Variants in MCTP2 observed in about 807,000 individuals in gnomAD.
MCTP2 encodes multiple C2 and transmembrane domain-containing protein 2.
MCTP2 carries 132 observed loss-of-function variants against 111.6 expected under a neutral mutation model. The observed-to-expected ratio is 1.18, with a 90% CI of 1.03 to 1.37. The LOEUF (loss-of-function observed/expected upper bound fraction) is 1.37. Among genes scored for constraint, MCTP2 ranks in the 40% most tolerant of loss-of-function variants. MCTP2 has a pLI of 0.00. For synonymous variants in MCTP2, 395 were observed against 387.7 expected, an observed-to-expected ratio of 1.02 and a Z score of -0.22; for missense variants, 1,183 against 1,067.9, an observed-to-expected ratio of 1.11 and a Z score of -1.50.
intron 1 of MCTP2, among the ~76,000 whole-genome samples, chr15:94,249,493 T>TC (rs1284874908): frequency 6.6e-6 from 1 of 151,954 alleles, no homozygotes; most frequent in African/African-American, 2.4e-5. Flanking sequence ...AGAATCTTTT[T>TC]TTTTTTTTTT....
At chr15:94,261,979 CAATT>C (rs1252188372) in intron 1 of MCTP2, among the ~76,000 whole-genome samples, 20 of 152,090 alleles carry the variant, frequency 1.3e-4, no homozygotes, top group Admixed American at 7.2e-4. Flanking sequence ...TTGTATATTG[CAATT>C]AATCTAATTA....
chr15:94,474,224 T>A (rs1488557753), intron 21 of MCTP2, among the ~76,000 whole-genome samples: 1 of 152,208 alleles, frequency 6.6e-6, no homozygotes, highest in Non-Finnish European at 1.5e-5. Flanking sequence ...TCTAAATGTG[T>A]CTGCATCATC....
chr15:94,248,004 G>A (rs1003920410), intron 1 of MCTP2, among the ~76,000 whole-genome samples: 16 of 152,158 alleles, frequency 1.1e-4, no homozygotes, highest in Non-Finnish European at 1.9e-4. Flanking sequence ...GAGTAGATTA[G>A]GAGATTAAGT....
At chr15:94,338,462 A>G (rs866394568) in intron 4 of MCTP2, among the ~76,000 whole-genome samples, 16 of 151,100 alleles carry the variant, frequency 1.1e-4, no homozygotes, top group African/African-American at 3.7e-4. Flanking sequence ...CGCACAATAC[A>G]TAATTCATGT....
At chr15:94,284,432 C>T (rs142907130) in intron 1 of MCTP2, among the ~76,000 whole-genome samples, 2 of 152,206 alleles carry the variant, frequency 1.3e-5, no homozygotes, top group Admixed American at 1.3e-4. Flanking sequence ...AAGTAACCAT[C>T]TGTGGAACAT....
At chr15:94,364,482 C>T (rs1278566448) in intron 10 of MCTP2, among the ~76,000 whole-genome samples, 1 of 152,092 alleles carries the variant, frequency 6.6e-6, no homozygotes, top group Admixed American at 6.5e-5. Flanking sequence ...GAATCCATTA[C>T]ACTAATGAAA....
chr15:94,442,056 A>G (rs888128771), intron 18 of MCTP2, among the ~76,000 whole-genome samples: 3 of 152,214 alleles, frequency 2.0e-5, no homozygotes, highest in Non-Finnish European at 2.9e-5. Flanking sequence ...TTTTAAGAGC[A>G]TGATATTGAC....
intron 17 of MCTP2, chr15:94,402,399 T>C (rs1200172651): frequency 2.0e-5 from 31 of 1,514,102 alleles, no homozygotes; most frequent in Non-Finnish European, 2.7e-5. Context: ...TTTAAGTAAA[T>C]TATTCCCAAA....
chr15:94,255,691 A>G (rs1174003897), intron 1 of MCTP2, among the ~76,000 whole-genome samples: 2 of 152,154 alleles, frequency 1.3e-5, no homozygotes, highest in African/African-American at 4.8e-5. Context: ...GTGGACCAGC[A>G]GAAGCCGTGG....
At chr15:94,242,303 T>C (rs2071026261) in intron 1 of MCTP2, among the ~76,000 whole-genome samples, 1 of 152,134 alleles carries the variant, frequency 6.6e-6, no homozygotes, top group Admixed American at 6.6e-5. Flanking sequence ...TGAAAATACT[T>C]TGAGATGCCT....
At chr15:94,249,709 T>G (rs1397612473) in intron 1 of MCTP2, among the ~76,000 whole-genome samples, 1 of 151,960 alleles carries the variant, frequency 6.6e-6, no homozygotes, top group Non-Finnish European at 1.5e-5. Flanking sequence ...ATGGTCTCGA[T>G]CTCCTGACCT....
chr15:94,362,366 T>C (rs759254277), intron 10 of MCTP2, among the ~76,000 whole-genome samples: 26 of 152,134 alleles, frequency 1.7e-4, no homozygotes, highest in Non-Finnish European at 3.7e-4. Context: ...ATTAACTCAT[T>C]ATAGAATTTT....
chr15:94,314,392 T>A, intron 3 of MCTP2, 48 bp downstream of exon 3: 4 of 1,239,706 alleles, frequency 3.2e-6, no homozygotes, highest in Non-Finnish European at 4.6e-6. Flanking sequence ...TAGATATTTC[T>A]CATCAAATGT....
chr15:94,335,053 T>C (rs1184013587), intron 4 of MCTP2, among the ~76,000 whole-genome samples: 1 of 152,212 alleles, frequency 6.6e-6, no homozygotes, highest in Non-Finnish European at 1.5e-5. Flanking sequence ...CTTCTTGTGG[T>C]CTGGTGCCAG....
chr15:94,386,827 C>CAAA (rs1172143635), intron 14 of MCTP2, among the ~76,000 whole-genome samples: 1 of 151,908 alleles, frequency 6.6e-6, no homozygotes, highest in East Asian at 1.9e-4. Context: ...CAAAACAAAA[C>CAAA]AACTCCCCTC....
chr15:94,408,477 A>G (rs1290848535), intron 17 of MCTP2, among the ~76,000 whole-genome samples: 2 of 152,194 alleles, frequency 1.3e-5, no homozygotes, highest in African/African-American at 4.8e-5. Flanking sequence ...GGACTACATA[A>G]TATACTTTCA....
At chr15:94,241,600 A>G (rs754659770) in intron 1 of MCTP2, among the ~76,000 whole-genome samples, 1 of 152,162 alleles carries the variant, frequency 6.6e-6, no homozygotes, top group Non-Finnish European at 1.5e-5. Flanking sequence ...GATTAAGCAT[A>G]GGATAGAATA....
chr15:94,451,608 A>T (rs1404582290), intron 19 of MCTP2, among the ~76,000 whole-genome samples: 1 of 152,228 alleles, frequency 6.6e-6, no homozygotes, highest in African/African-American at 2.4e-5. Context: ...ATGTGACAGC[A>T]GTTCTGTCTT....
chr15:94,303,857 A>G (rs987389936), intron 2 of MCTP2, among the ~76,000 whole-genome samples: 17 of 152,128 alleles, frequency 1.1e-4, no homozygotes, highest in African/African-American at 1.7e-4. Context: ...CTTCATTTTC[A>G]TAGCATGTCA....
Sources: allele counts gnomAD v4.1 joint callset (sites outside exome capture counted in the v4.1 genomes callset), GRCh38; gene constraint gnomAD v4.1.1; transcripts MANE v1.5; gene names NCBI Gene and HGNC (gene_info 2026-07-23, HGNC 2026-07-21).